DYNC1LI1: variants seen among roughly 807,000 people sequenced by gnomAD.
The protein encoded by DYNC1LI1 is cytoplasmic dynein 1 light intermediate chain 1.
Under a neutral mutation model 63.8 loss-of-function variants are expected in DYNC1LI1, and 19 were observed. That is an observed-to-expected ratio of 0.30 (90% confidence interval 0.21 to 0.44). The LOEUF (loss-of-function observed/expected upper bound fraction) is 0.44, where lower values mean the gene tolerates loss of function less well. DYNC1LI1 is among the 20% of genes least tolerant of loss of function. DYNC1LI1 has a pLI of 1.00. For synonymous variants in DYNC1LI1, 225 were observed against 232.3 expected, an observed-to-expected ratio of 0.97 and a Z score of 0.28; for missense variants, 565 against 630.2, an observed-to-expected ratio of 0.90 and a Z score of 1.11.
At chr3:32,527,645 A>AT (rs1375949248) in intron 12 of DYNC1LI1, among the ~76,000 whole-genome samples, 2 of 152,210 alleles carry the variant, frequency 1.3e-5, no homozygotes, top group African/African-American at 4.8e-5. Context: ...ACACAACCCA[A>AT]TAATTCCACT....
At chr3:32,545,150 C>CA in intron 3 of DYNC1LI1, 44 bp from the exon 4 acceptor site, 1 of 1,295,788 alleles carries the variant, frequency 7.7e-7, no homozygotes. Flanking sequence ...AAGATTAAGT[C>CA]ATTTCATCAT....
chr3:32,558,331 C>T (rs9868085), intron 2 of DYNC1LI1, among the ~76,000 whole-genome samples: 4,457 of 146,118 alleles, frequency 0.031, 235 homozygotes, highest in African/African-American at 0.11. Flanking sequence ...ACAGCAAATA[C>T]TTTAAGCTTC....
chr3:32,546,688 A>T (rs1697958537), intron 2 of DYNC1LI1, among the ~76,000 whole-genome samples: 1 of 152,124 alleles, frequency 6.6e-6, no homozygotes, highest in Admixed American at 6.5e-5. Flanking sequence ...ATGTCCACCT[A>T]AGGGCCAATC....
At chr3:32,545,461 G>A in intron 3 of DYNC1LI1, 4 of 331,408 alleles carry the variant, frequency 1.2e-5, no homozygotes, top group Non-Finnish European at 2.2e-5. Context: ...ATACAAAAAT[G>A]AGAAGGCAAG....
At chr3:32,563,359 C>T (rs188595339) in intron 2 of DYNC1LI1, among the ~76,000 whole-genome samples, 29 of 148,182 alleles carry the variant, frequency 2.0e-4, no homozygotes, top group Admixed American at 4.1e-4. Flanking sequence ...GGCACGATCT[C>T]GGCTCACTGC....
At chr3:32,553,294 C>T (rs1698069167) in intron 2 of DYNC1LI1, among the ~76,000 whole-genome samples, 3 of 152,082 alleles carry the variant, frequency 2.0e-5, no homozygotes, top group Non-Finnish European at 4.4e-5. Flanking sequence ...TGTGATCATG[C>T]CACTGCACTC....
intron 2 of DYNC1LI1, among the ~76,000 whole-genome samples, chr3:32,557,245 G>A (rs970807384): frequency 4.6e-5 from 7 of 152,220 alleles, no homozygotes; most frequent in African/African-American, 1.7e-4. Flanking sequence ...GCTGGGCACG[G>A]TGGCTTAGGC....
At chr3:32,558,775 G>C (rs1698150463) in intron 2 of DYNC1LI1, among the ~76,000 whole-genome samples, 1 of 151,936 alleles carries the variant, frequency 6.6e-6, no homozygotes, top group Non-Finnish European at 1.5e-5. Context: ...GAACCCAGGA[G>C]GCAGAGGCTG....
rs1179751594 is a variant in DYNC1LI1, at chr3:32,528,541, G to A, written c.1367C>T (p.Thr456Ile). 3 of 1,613,954 alleles carry A rather than the reference G, an allele frequency of 1.9e-6. No homozygotes were observed. The highest frequency in any genetic ancestry group is 1.7e-4 in the Middle Eastern group (1 of 6,058). The change falls in exon 12 of 13, where the codon ACT becomes ATT. Residue 456 changes from threonine to isoleucine, a missense_variant. Thr to Ile is a moderately conservative substitution (Grantham distance 89). Coordinates refer to ENST00000273130, the MANE Select transcript of DYNC1LI1 (RefSeq NM_016141.4). ...CACACCAGGGCCTCCTGGAGAGCCA[G>A]TCTTTTTACTCAACAAACTGTTGAA... is the stretch of plus-strand genomic sequence containing the variant. ...NFFNSLLSKK[T>I]GSPGGPGVSG...
chr3:32,543,457 T>C (rs1478824498), intron 4 of DYNC1LI1, among the ~76,000 whole-genome samples: 1 of 148,448 alleles, frequency 6.7e-6, no homozygotes, highest in Non-Finnish European at 1.5e-5. Flanking sequence ...TGGAGTACAG[T>C]GGCGCAATCT....
chr3:32,545,136 C>A, intron 3 of DYNC1LI1, 30 bp from the exon 4 acceptor site: 4 of 1,458,490 alleles, frequency 2.7e-6, no homozygotes, highest in Non-Finnish European at 3.8e-6. Flanking sequence ...GTAACCAAGG[C>A]AACAAGATTA....
At chr3:32,547,789 G>C (rs1697975981) in intron 2 of DYNC1LI1, among the ~76,000 whole-genome samples, 1 of 152,152 alleles carries the variant, frequency 6.6e-6, no homozygotes, top group East Asian at 1.9e-4. Context: ...ATACGTTAAA[G>C]AGATATCTGT....
In DYNC1LI1 at chr3:32,526,216, T is replaced by C. The variant is rs1171574670; in HGVS notation, c.*583A>G. ...TTGGCCAATATTTCTAAATCATATTTTGATGACAACTTACAGGATCAGTGA... is the reference window on the plus strand; with the variant it reads ...TTGGCCAATATTTCTAAATCATATTCTGATGACAACTTACAGGATCAGTGA... On this transcript the variant is annotated 3_prime_UTR_variant, in exon 13 of 13. Coordinates refer to ENST00000273130, the MANE Select transcript of DYNC1LI1 (RefSeq NM_016141.4). The C allele has an allele frequency of 6.6e-6, 1 of 152,632 alleles. No homozygotes were observed. Among genetic ancestry groups the C allele is most frequent in the Non-Finnish European group, 1.5e-5 (1 of 68,038 alleles). 9.5% of individuals were successfully genotyped at this position (152,632 alleles called of 1,614,324 possible).
chr3:32,530,547 AAATTT>A (rs1258409800), intron 8 of DYNC1LI1, 27 bp from the exon 9 acceptor site: 1 of 1,568,022 alleles, frequency 6.4e-7, no homozygotes, highest in Non-Finnish European at 8.8e-7. Flanking sequence ...ACAAATGAGC[AAATTT>A]AATATATTAT....
At position 32,567,633 on chromosome 3, in the gene DYNC1LI1, G is replaced by C. The variant is rs1187959525; in HGVS notation, c.220+2713C>G. Among the ~76,000 whole-genome samples, 4 of 151,668 alleles carry C rather than the reference G, an allele frequency of 2.6e-5. No individual in the cohort carries two copies. The East Asian group carries it at 7.7e-4, about 29-fold the overall frequency. On this transcript the variant is annotated intron_variant, in intron 2 of 12. Transcript: ENST00000273130. The stretch of plus-strand genomic sequence containing the variant: ...AGCTCACTGCAACTTCTGCCTCCAG[G>C]GCTCAAGTTGTCCCTCCACCTTAGC...
intron 2 of DYNC1LI1, among the ~76,000 whole-genome samples, chr3:32,549,872 A>G (rs1424379309): frequency 6.6e-6 from 1 of 152,218 alleles, no homozygotes; most frequent in East Asian, 1.9e-4. Context: ...ATTTCAACTT[A>G]TTTCTTAAAA....
intron 2 of DYNC1LI1, among the ~76,000 whole-genome samples, chr3:32,550,161 G>T (rs1456570108): frequency 2.0e-5 from 3 of 152,352 alleles, no homozygotes; most frequent in South Asian, 4.1e-4. Flanking sequence ...GCCGGGCACA[G>T]TGGCTCACGC....
rs565345617 is a variant in DYNC1LI1, at chr3:32,547,160, T to C, written c.221-1195A>G. ...CGGGAGACTGAGGCAGGAGAACTGCTTGAATCCGGGAGGTAGAGGTTGCAG... is the reference window on the plus strand; with the variant it reads ...CGGGAGACTGAGGCAGGAGAACTGCCTGAATCCGGGAGGTAGAGGTTGCAG... On this transcript the variant is annotated intron_variant, in intron 2 of 12. Coordinates refer to ENST00000273130, the MANE Select transcript of DYNC1LI1 (RefSeq NM_016141.4). Among the ~76,000 whole-genome samples the C allele has an allele frequency of 6.0e-4, 91 of 152,244 alleles. 1 individual carries two copies. Among genetic ancestry groups the C allele is most frequent in the African/African-American group, 2.1e-3 (89 of 41,556 alleles).
rs1553620341 is a variant in DYNC1LI1 at position 32,570,821 on chromosome 3, T to TGAGGCGGTGGCGGTG, written c.-66_-52dup. 145 of 1,539,006 alleles carry TGAGGCGGTGGCGGTG rather than the reference T, an allele frequency of 9.4e-5. No individual in the cohort carries two copies. In the Admixed American group the frequency reaches 1.3e-3, roughly 14 times the overall value. ...GGCAAGACTAAATGTGCGAGGCGGC[T>TGAGGCGGTGGCGGTG]GAGGCGGTGGCGGTGGAGGCGGCGG... On this transcript the variant is annotated 5_prime_UTR_variant, in exon 1 of 13. Transcript: ENST00000273130.
Sources: allele counts gnomAD v4.1 joint callset (sites outside exome capture counted in the v4.1 genomes callset), GRCh38; gene constraint gnomAD v4.1.1; transcripts MANE v1.5; gene names NCBI Gene and HGNC (gene_info 2026-07-23, HGNC 2026-07-21).